BAZ1A: variants seen among roughly 807,000 people sequenced by gnomAD.
The protein encoded by BAZ1A is bromodomain adjacent to zinc finger domain protein 1A.
Under a neutral mutation model 185.2 loss-of-function variants are expected in BAZ1A, and 50 were observed. That is an observed-to-expected ratio of 0.27 (90% CI 0.22 to 0.34). BAZ1A has a LOEUF of 0.34. Among genes scored for constraint, BAZ1A ranks in the 10% least tolerant of loss-of-function variants. The pLI is 1.00. For synonymous variants in BAZ1A, 571 were observed against 615.6 expected (o/e 0.93, Z 1.07); for missense variants, 1,356 against 1,839.9 (o/e 0.74, Z 4.81).
intron 23 of BAZ1A, among the ~76,000 whole-genome samples, chr14:34,763,421 T>TA (rs1162162277): frequency 3.1e-4 from 41 of 134,122 alleles, no homozygotes; most frequent in South Asian, 7.5e-4. Flanking sequence ...TTCAAATGTT[T>TA]AAAAAAAAAA....
At chr14:34,757,639 G>T (rs145170632) in intron 25 of BAZ1A, among the ~76,000 whole-genome samples, 2 of 151,586 alleles carry the variant, frequency 1.3e-5, no homozygotes, top group Non-Finnish European at 2.9e-5. Context: ...CACTCCAGCC[G>T]GGGGACAAAA....
intron 3 of BAZ1A, among the ~76,000 whole-genome samples, chr14:34,829,435 T>A (rs370808144): frequency 6.6e-6 from 1 of 152,048 alleles, no homozygotes; most frequent in Non-Finnish European, 1.5e-5. Flanking sequence ...GACCATTTCA[T>A]TGGCCAAAAA....
rs1038939068 is a variant in BAZ1A, at chr14:34,834,335, A to C, written c.393-8179T>G. On this transcript the variant is annotated intron_variant, in intron 3 of 26. Transcript: ENST00000360310. The stretch of plus-strand genomic sequence containing the variant: ...TTAAGTGGTAACAGTGGTGGTGGTC[A>C]TGAGGCAAATACAGGGTAAATGAGT... 3.3e-5 allele frequency among the ~76,000 whole-genome samples: 5 copies of C among 152,204 alleles called. 1 individual carries two copies. In the South Asian group the frequency reaches 6.2e-4, roughly 19 times the overall value.
intron 2 of BAZ1A, among the ~76,000 whole-genome samples, chr14:34,873,732 T>A (rs2042991070): frequency 6.6e-6 from 1 of 152,020 alleles, no homozygotes; most frequent in African/African-American, 2.4e-5. Flanking sequence ...CGCGACTTCT[T>A]CCTCACTGAT....
At chr14:34,769,712 G>A (rs779187484) in intron 21 of BAZ1A, among the ~76,000 whole-genome samples, 15 of 152,154 alleles carry the variant, frequency 9.9e-5, no homozygotes, top group Non-Finnish European at 1.9e-4. Context: ...CACAGTGTTA[G>A]TAGTAACAGT....
At chr14:34,793,805 T>C (rs1424074441) in intron 11 of BAZ1A, among the ~76,000 whole-genome samples, 2 of 152,114 alleles carry the variant, frequency 1.3e-5, no homozygotes, top group African/African-American at 2.4e-5. Context: ...TAGCTGGGCT[T>C]GGTGATGGGT....
At position 34,786,180 on chromosome 14, in the gene BAZ1A, A is replaced by G. The variant is rs1880426943; in HGVS notation, c.1552T>C (p.Ser518Pro). The change falls in exon 13 of 27, where the codon TCT becomes CCT. Residue 518 changes from serine to proline, a missense_variant. Ser to Pro is a moderately conservative substitution (Grantham distance 74). This residue lies in a region of BAZ1A where 184 missense variants were observed against 355.1 expected (regional missense o/e 0.52). Transcript: ENST00000360310. ...AAAGATGCAACTGCAGACAGTGCAG[A>G]TTTTGTGGGGTCTGCATCTTCATCC... ...ALDEDADPTK[S>P]ALSAVASLAA... 6.2e-7 allele frequency: 1 copy of G among 1,613,922 alleles called. No homozygotes were observed. The highest frequency in any genetic ancestry group is 1.3e-5 in the African/African-American group (1 of 75,036).
intron 11 of BAZ1A, among the ~76,000 whole-genome samples, chr14:34,793,246 T>C (rs1880964732): frequency 6.6e-6 from 1 of 152,210 alleles, no homozygotes; most frequent in Admixed American, 6.5e-5. Context: ...ATCTGAACAA[T>C]GCAAATATTT....
intron 20 of BAZ1A, among the ~76,000 whole-genome samples, chr14:34,773,118 C>T (rs1879334213): frequency 6.6e-6 from 1 of 152,140 alleles, no homozygotes; most frequent in Non-Finnish European, 1.5e-5. Context: ...CTATGTTGCC[C>T]AGGCTGGTCT....
intron 9 of BAZ1A, among the ~76,000 whole-genome samples, chr14:34,797,772 A>G (rs1594851148): frequency 6.6e-6 from 1 of 152,110 alleles, no homozygotes; most frequent in South Asian, 2.1e-4. Context: ...TGCATTTCCA[A>G]CTGAGGTACC....
At chr14:34,769,267 G>A (rs192930426) in intron 21 of BAZ1A, among the ~76,000 whole-genome samples, 242 of 152,194 alleles carry the variant, frequency 1.6e-3, no homozygotes, top group African/African-American at 5.7e-3. Flanking sequence ...ACCTTTCAAA[G>A]GCTTAAGTTA....
At chr14:34,779,254 A>G (rs947045336) in intron 17 of BAZ1A, among the ~76,000 whole-genome samples, 1 of 152,156 alleles carries the variant, frequency 6.6e-6, no homozygotes, top group African/African-American at 2.4e-5. Flanking sequence ...ATAAATGTCT[A>G]GCTCAGCTTG....
rs74043571 is a variant in BAZ1A, at chr14:34,831,587, C to T, written c.393-5431G>A. ...AGGCTTAGCTGTTTAATCTTTCCTT[C>T]CATTTAACAAACAAATAATCCTACA... On this transcript the variant is annotated intron_variant, in intron 3 of 26. Transcript: ENST00000360310. 3.8e-3 allele frequency among the ~76,000 whole-genome samples: 581 copies of T among 152,312 alleles called. 6 individuals carry two copies. Among genetic ancestry groups the T allele is most frequent in the African/African-American group, 0.013 (558 of 41,576 alleles).
chr14:34,793,754 C>G (rs1162069750), intron 11 of BAZ1A, among the ~76,000 whole-genome samples: 3 of 152,096 alleles, frequency 2.0e-5, no homozygotes, highest in African/African-American at 7.2e-5. Context: ...ACTAGCCTGG[C>G]CAAAATGGTG....
At chr14:34,766,836 G>A (rs531780296) in intron 21 of BAZ1A, among the ~76,000 whole-genome samples, 1 of 152,156 alleles carries the variant, frequency 6.6e-6, no homozygotes, top group South Asian at 2.1e-4. Context: ...AGGCACATGT[G>A]GAAACAAAAC....
rs759879368 is a variant in BAZ1A, at chr14:34,786,145, T to C, written c.1587A>G (p.Ala529=). Residue 529 remains alanine, a synonymous_variant, in exon 13 of 27, where the codon GCA becomes GCG. Coordinates refer to ENST00000360310, the MANE Select transcript of BAZ1A (RefSeq NM_013448.3). ...ALSAVASLAA[A]WPQLHQGCSL... is the part of the protein sequence containing the mutation. Reference sequence around the variant, plus strand: ...ACATACCCTGGTGTAACTGTGGCCATGCAGCTGCCAAAGATGCAACTGCAG... The same window carrying C: ...ACATACCCTGGTGTAACTGTGGCCACGCAGCTGCCAAAGATGCAACTGCAG... 1 of 1,611,288 alleles carries C rather than the reference T, an allele frequency of 6.2e-7. No individual in the cohort carries two copies. Among genetic ancestry groups the C allele is most frequent in the Admixed American group, 1.7e-5 (1 of 59,432 alleles).
chr14:34,768,752 CT>C, intron 21 of BAZ1A: 1 of 427,160 alleles, frequency 2.3e-6, no homozygotes, highest in East Asian at 7.3e-5. Flanking sequence ...TTCTATCTCC[CT>C]TTTGATCCTT....
In BAZ1A at chr14:34,753,194, CAAAAT is replaced by C. The variant is rs1206359022; in HGVS notation, c.*309_*313del. On this transcript the variant is annotated 3_prime_UTR_variant, in exon 27 of 27. Coordinates refer to ENST00000360310, the MANE Select transcript of BAZ1A (RefSeq NM_013448.3). ...CACTTTAAAAAAAAATCATCAATAA[CAAAAT>C]AAATCGTGGGTGAAAAAATATTTTC... The C allele has an allele frequency of 8.1e-6, 2 of 245,518 alleles. No individual in the cohort carries two copies. The highest frequency in any genetic ancestry group is 8.6e-5 in the East Asian group (1 of 11,674). The allele number at this position is 245,518 out of a possible 1,614,324, so 15.2% of individuals were successfully genotyped here.
intron 3 of BAZ1A, among the ~76,000 whole-genome samples, chr14:34,829,725 C>A (rs980596434): frequency 1.3e-5 from 2 of 152,144 alleles, no homozygotes; most frequent in Non-Finnish European, 2.9e-5. Context: ...CCATTATCCA[C>A]CCCCTTACTA....
Sources: gnomAD v4.1 joint callset for allele counts (sites outside exome capture counted in the v4.1 genomes callset) on GRCh38, gnomAD v4.1.1 for gene constraint, gnomAD v4.1.1 regional missense constraint, MANE v1.5 for transcripts, NCBI Gene and HGNC (gene_info 2026-07-23, HGNC 2026-07-21) for gene names.